Variants in DDR2 observed in about 807,000 individuals in gnomAD.
The protein encoded by DDR2 is discoidin domain-containing receptor 2.
A neutral mutation model predicts 94.9 loss-of-function variants in DDR2; 27 were observed. The observed-to-expected ratio is 0.28, with a 90% CI of 0.21 to 0.39. DDR2 has a LOEUF of 0.39. Among genes scored for constraint, DDR2 ranks in the 10% least tolerant of loss-of-function variants. DDR2 has a pLI of 1.00. For synonymous variants in DDR2, 382 were observed against 377.2 expected, an observed-to-expected ratio of 1.01 and a Z score of -0.15; for missense variants, 783 against 1,076.0, an observed-to-expected ratio of 0.73 and a Z score of 3.81.
chr1:162,761,914 C>T (rs950769896), intron 9 of DDR2, among the ~76,000 whole-genome samples: 1 of 152,124 alleles, frequency 6.6e-6, no homozygotes, highest in African/African-American at 2.4e-5. Flanking sequence ...CATTTTAAAG[C>T]AAATATGAGA....
intron 12 of DDR2, among the ~76,000 whole-genome samples, chr1:162,771,169 T>C (rs1284406910): frequency 1.3e-5 from 2 of 152,206 alleles, no homozygotes; most frequent in Non-Finnish European, 2.9e-5. Flanking sequence ...TTTCGATGTC[T>C]TTCAAAAAAT....
chr1:162,635,614 C>G lies in DDR2; in HGVS notation c.-192+2983C>G, dbSNP rs139172175. Reference sequence around the variant, plus strand: ...GCTGTGCAACATATGAATTGATCGACTCTGTCCCAACAATGACTAGTCAGT... The same window carrying G: ...GCTGTGCAACATATGAATTGATCGAGTCTGTCCCAACAATGACTAGTCAGT... On this transcript the variant is annotated intron_variant, in intron 1 of 17. Transcript: ENST00000367921. Among the ~76,000 whole-genome samples, 291 of 152,360 alleles carry G rather than the reference C, an allele frequency of 1.9e-3. 1 individual carries two copies. Among genetic ancestry groups the G allele is most frequent in the African/African-American group, 6.7e-3 (277 of 41,592 alleles).
At chr1:162,744,369 T>A (rs1042266636) in intron 3 of DDR2, among the ~76,000 whole-genome samples, 2 of 152,184 alleles carry the variant, frequency 1.3e-5, no homozygotes, top group Non-Finnish European at 1.5e-5. Flanking sequence ...ATTTAGGCCA[T>A]TTTTGATATG....
intron 3 of DDR2, among the ~76,000 whole-genome samples, chr1:162,743,333 G>A (rs1226846932): frequency 1.3e-5 from 2 of 152,048 alleles, no homozygotes; most frequent in African/African-American, 4.8e-5. Flanking sequence ...TGCTGTTTCT[G>A]TGCCAAGCCT....
At chr1:162,767,385 TATAAGAA>T in intron 11 of DDR2, 26 bp downstream of exon 11, 1 of 1,612,852 alleles carries the variant, frequency 6.2e-7, no homozygotes, top group Non-Finnish European at 8.5e-7. Context: ...ATGGTCATGA[TATAAGAA>T]ACTGCTCCTT....
At chr1:162,676,967 G>A (rs543705420) in intron 2 of DDR2, among the ~76,000 whole-genome samples, 1 of 152,274 alleles carries the variant, frequency 6.6e-6, no homozygotes, top group East Asian at 1.9e-4. Flanking sequence ...CTTCCTATGA[G>A]AAATAAAAGG....
Position 162,776,138 on chromosome 1 carries a change from A to G in DDR2, c.2051A>G (p.Tyr684Cys). The G allele has an allele frequency of 1.2e-6, 2 of 1,612,208 alleles. No individual in the cohort carries two copies. The highest frequency in any genetic ancestry group is 1.7e-6 in the Non-Finnish European group (2 of 1,178,602). The change falls in exon 16 of 18, where the codon TAC becomes TGC. Residue 684 changes from tyrosine to cysteine, a missense_variant and splice_region_variant. Transcript: ENST00000367921. ...TGTCTTCTTGTCTATTTCCTCAGTT[A>G]CACCAATCTGAAGTTTATGGCTACC... Reference protein sequence around the residue: ...SSSSDVRTVSYTNLKFMATQI... With the variant: ...SSSSDVRTVSCTNLKFMATQI...
At chr1:162,652,830 C>T (rs1657769387) in intron 1 of DDR2, among the ~76,000 whole-genome samples, 1 of 152,188 alleles carries the variant, frequency 6.6e-6, no homozygotes, top group Non-Finnish European at 1.5e-5. Context: ...TGTGGCCAGG[C>T]ATGGTGGCTT....
At chr1:162,726,717 G>A (rs527753353) in intron 3 of DDR2, among the ~76,000 whole-genome samples, 3 of 152,198 alleles carry the variant, frequency 2.0e-5, no homozygotes, top group Non-Finnish European at 2.9e-5. Context: ...CACCTGCAGA[G>A]CTCAGTTTTG....
chr1:162,690,013 CAAAA>C, intron 2 of DDR2, among the ~76,000 whole-genome samples: 1 of 103,200 alleles, frequency 9.7e-6, no homozygotes. Context: ...AAGACAATGT[CAAAA>C]AAAAAAAAAA....
At chr1:162,751,193 A>T (rs970384659) in intron 3 of DDR2, among the ~76,000 whole-genome samples, 1 of 152,216 alleles carries the variant, frequency 6.6e-6, no homozygotes, top group Non-Finnish European at 1.5e-5. Context: ...AGAAACTACC[A>T]TCAGAGTGAA....
chr1:162,647,566 A>G (rs898710303), intron 1 of DDR2, among the ~76,000 whole-genome samples: 1 of 152,176 alleles, frequency 6.6e-6, no homozygotes, highest in Non-Finnish European at 1.5e-5. Context: ...GTATACTTGT[A>G]GTTATTTCTT....
At chr1:162,740,592 T>C (rs1398455892) in intron 3 of DDR2, among the ~76,000 whole-genome samples, 1 of 152,208 alleles carries the variant, frequency 6.6e-6, no homozygotes, top group Non-Finnish European at 1.5e-5. Context: ...TATAAAAGAA[T>C]GCCTATTCCT....
At chr1:162,721,023 C>G (rs186966064) in intron 3 of DDR2, among the ~76,000 whole-genome samples, 54 of 152,282 alleles carry the variant, frequency 3.5e-4, no homozygotes, top group African/African-American at 1.2e-3. Flanking sequence ...CATCTCAGAT[C>G]CTAACTTGGG....
chr1:162,773,587 A>G lies in DDR2; in HGVS notation c.1847A>G (p.Lys616Arg). 1.2e-6 allele frequency: 2 copies of G among 1,614,038 alleles called. No homozygotes were observed. The highest frequency in any genetic ancestry group is 1.7e-6 in the Non-Finnish European group (2 of 1,179,898). The change falls in exon 14 of 18, where the codon AAG becomes AGG. Residue 616 changes from lysine to arginine, a missense_variant. Coordinates refer to ENST00000367921, the MANE Select transcript of DDR2 (RefSeq NM_006182.4). ...AVKMLRADAN[K>R]NARNDFLKEI... ...AAAATGCTCCGAGCAGATGCCAACA[A>G]GAATGCCAGGTCTGTGGTCTACATT...
chr1:162,719,100 C>T lies in DDR2; in HGVS notation c.37C>T (p.Leu13=). 6.2e-7 allele frequency: 1 copy of T among 1,613,874 alleles called. No individual in the cohort carries two copies. The highest frequency in any genetic ancestry group is 1.1e-5 in the South Asian group (1 of 91,072). The part of the protein sequence containing the change: ...LIPRMLLVLF[L]LLPILSSAKA... ...TCCCAGAATGCTCTTGGTGCTGTTCCTGCTGCTGCCTATCTTGAGTTCTGC... is the reference window on the plus strand; with the variant it reads ...TCCCAGAATGCTCTTGGTGCTGTTCTTGCTGCTGCCTATCTTGAGTTCTGC... The change falls in exon 3 of 18, where the codon CTG becomes TTG. Residue 13 remains leucine, a synonymous_variant. Coordinates refer to ENST00000367921, the MANE Select transcript of DDR2 (RefSeq NM_006182.4).
chr1:162,635,416 C>G (rs1203634017), intron 1 of DDR2, among the ~76,000 whole-genome samples: 2 of 152,202 alleles, frequency 1.3e-5, no homozygotes, highest in East Asian at 3.8e-4. Flanking sequence ...TCACATCACC[C>G]TCACCTCAAA....
intron 2 of DDR2, among the ~76,000 whole-genome samples, chr1:162,674,463 T>A (rs956006837): frequency 6.6e-6 from 1 of 152,206 alleles, no homozygotes; most frequent in African/African-American, 2.4e-5. Context: ...GAAGAATGAA[T>A]GAGTGAGTTA....
At chr1:162,673,592 T>C (rs899028916) in intron 2 of DDR2, among the ~76,000 whole-genome samples, 41 of 134,140 alleles carry the variant, frequency 3.1e-4, no homozygotes, top group Non-Finnish European at 6.2e-4. Flanking sequence ...TGTGTGTGTG[T>C]GTATGTGTGT....
Sources: gnomAD v4.1 joint callset for allele counts (sites outside exome capture counted in the v4.1 genomes callset) on GRCh38, gnomAD v4.1.1 for gene constraint, MANE v1.5 for transcripts, NCBI Gene and HGNC (gene_info 2026-07-23, HGNC 2026-07-21) for gene names.